Variants in SLC12A2 observed in about 807,000 individuals in gnomAD.
SLC12A2 encodes Na-K-2Cl cotransporter 1.
A neutral mutation model predicts 136.3 loss-of-function variants in SLC12A2; 67 were observed. The ratio of observed to expected loss-of-function variants is 0.49; its 90% CI spans 0.40 to 0.60. SLC12A2 has a LOEUF of 0.60. Ranked by LOEUF, SLC12A2 falls within the 20% of genes least tolerant of loss-of-function variation. The pLI is 0.00. For missense variants in SLC12A2, 1,322 were observed against 1,534.7 expected (o/e 0.86, Z 2.32); for synonymous variants, 619 against 562.9 (o/e 1.10, Z -1.41).
intron 1 of SLC12A2, chr5:128,109,959 C>G (rs961763982): frequency 1.9e-5 from 17 of 909,882 alleles, no homozygotes; most frequent in Non-Finnish European, 3.0e-5. Context: ...AACCATTGCT[C>G]AGATTCAGAG....
At chr5:128,165,609 C>A (rs1163096513) in intron 17 of SLC12A2, among the ~76,000 whole-genome samples, 1 of 152,076 alleles carries the variant, frequency 6.6e-6, no homozygotes, top group African/African-American at 2.4e-5. Flanking sequence ...GAAAACATAA[C>A]CTTTGACTGA....
At chr5:128,168,485 A>G (rs531940697) in intron 18 of SLC12A2, 7 of 152,206 alleles carry the variant, frequency 4.6e-5, no homozygotes, top group Admixed American at 2.6e-4. Context: ...ATGGAAGACA[A>G]TTTTTCCACA....
At chr5:128,175,980 G>T (rs1763529573) in intron 20 of SLC12A2, among the ~76,000 whole-genome samples, 1 of 151,422 alleles carries the variant, frequency 6.6e-6, no homozygotes, top group South Asian at 2.1e-4. Flanking sequence ...GCTTTATTTT[G>T]TGTTTATTTT....
In SLC12A2 at chr5:128,186,799, G is replaced by C; in HGVS notation, c.*168G>C. ...AGTTGCTCCATTGATAACGTGTATG[G>C]AGACTTCGGTTTTAGTCAATTCCAT... On this transcript the variant is annotated 3_prime_UTR_variant, in exon 27 of 27. Coordinates refer to ENST00000262461, the MANE Select transcript of SLC12A2 (RefSeq NM_001046.3). The C allele has an allele frequency of 1.7e-6, 1 of 594,754 alleles. No homozygotes were observed. The highest frequency in any genetic ancestry group is 3.2e-5 in the Admixed American group (1 of 31,452). The allele number at this position is 594,754 out of a possible 1,614,324, so 36.8% of individuals were successfully genotyped here. A position where few individuals can be genotyped will look rare whatever the true frequency, so the allele number is the denominator to read the frequency against.
At chr5:128,135,650 G>A in intron 6 of SLC12A2, 50 bp from the exon 7 acceptor site, 2 of 1,174,366 alleles carry the variant, frequency 1.7e-6, no homozygotes, top group African/African-American at 3.0e-5. Context: ...ATTGAATCAA[G>A]ATATAGAAAC....
intron 18 of SLC12A2, chr5:128,168,208 G>A (rs912884427): frequency 6.1e-6 from 1 of 164,816 alleles, no homozygotes; most frequent in African/African-American, 2.4e-5. Context: ...CCAAATGTCA[G>A]ACCCATCACC....
intron 9 of SLC12A2, among the ~76,000 whole-genome samples, chr5:128,141,033 C>G (rs772768922): frequency 6.6e-6 from 1 of 152,076 alleles, no homozygotes; most frequent in African/African-American, 2.4e-5. Flanking sequence ...AAGTAAAAAT[C>G]TTTAAAGTAT....
intron 3 of SLC12A2, 24 bp downstream of exon 3, chr5:128,114,311 G>C (rs1265959262): frequency 6.4e-7 from 1 of 1,563,744 alleles, no homozygotes; most frequent in Admixed American, 1.7e-5. Flanking sequence ...TATCCTGCTT[G>C]ATTTGAGAAT....
Position 128,167,842 on chromosome 5 carries a change from G to A in SLC12A2, c.2698G>A (p.Val900Met). Reference sequence around the variant, plus strand: ...TTGGTTGCAAGCAGATATGAGGGATGTGGATATGTATATAAACTTATTTCA... The same window carrying A: ...TTGGTTGCAAGCAGATATGAGGGATATGGATATGTATATAAACTTATTTCA... ...KDWLQADMRD[V>M]DMYINLFHDA... Residue 900 changes from valine to methionine, a missense_variant, in exon 18 of 27, where the codon GTG (valine) becomes ATG (methionine). Physicochemically the swap from Val to Met is conservative, Grantham distance 21. Around this residue, in one of 8 missense-constraint regions of SLC12A2, gnomAD observed 226 missense variants for 210.4 expected, o/e 1.07. Transcript: ENST00000262461. The A allele has an allele frequency of 6.3e-7, 1 of 1,595,622 alleles. No individual in the cohort carries two copies. The highest frequency in any genetic ancestry group is 8.6e-7 in the Non-Finnish European group (1 of 1,166,846).
chr5:128,116,719 G>C (rs1339397482), intron 4 of SLC12A2, among the ~76,000 whole-genome samples: 1 of 152,094 alleles, frequency 6.6e-6, no homozygotes, highest in African/African-American at 2.4e-5. Flanking sequence ...CAGATACTAC[G>C]AAGCTTTCTT....
chr5:128,154,429 G>C (rs1762810380), intron 15 of SLC12A2, among the ~76,000 whole-genome samples: 1 of 151,272 alleles, frequency 6.6e-6, no homozygotes. Context: ...AAAAAAAAAA[G>C]TTATCCCAGT....
In SLC12A2 at chr5:128,174,630, T is replaced by A. The variant is rs779232729; in HGVS notation, c.2893T>A (p.Ser965Thr). 1 of 1,606,098 alleles carries A rather than the reference T, an allele frequency of 6.2e-7. No individual in the cohort carries two copies. The highest frequency in any genetic ancestry group is 1.1e-5 in the South Asian group (1 of 89,182). Residue 965 changes from serine (S) to threonine (T), a missense_variant, in exon 20 of 27, where the codon TCC (serine) becomes ACC (threonine). Physicochemically the swap from Ser to Thr is moderately conservative, Grantham distance 58 (BLOSUM62 1). Transcript: ENST00000262461. ...TAGTAAAAAGTCCGATTTAGATACTTCCAAACCACTCAGTGAAAAACCAAT... is the reference window on the plus strand; with the variant it reads ...TAGTAAAAAGTCCGATTTAGATACTACCAAACCACTCAGTGAAAAACCAAT... ...EYSKKSDLDT[S>T]KPLSEKPITH...
At chr5:128,167,349 T>A (rs1344858721) in intron 17 of SLC12A2, among the ~76,000 whole-genome samples, 1 of 152,132 alleles carries the variant, frequency 6.6e-6, no homozygotes, top group African/African-American at 2.4e-5. Context: ...GATTTTAGTA[T>A]TGATGTGATT....
intron 4 of SLC12A2, among the ~76,000 whole-genome samples, chr5:128,116,640 G>A (rs1472472227): frequency 6.6e-6 from 1 of 151,854 alleles, no homozygotes. Context: ...GATCAAGAAG[G>A]TGATACATTT....
chr5:128,150,109 ATTT>A lies in SLC12A2; in HGVS notation c.2107+14_2107+16del, dbSNP rs1762651626. Reference sequence around the variant, plus strand: ...TTGCAAAATCTCCAGGTAATTTTACATTTTTAAAAAAGTTTGTAAATATCATTT... The same window carrying A: ...TTGCAAAATCTCCAGGTAATTTTACATTAAAAAAGTTTGTAAATATCATTT... On this transcript the variant is annotated intron_variant, in intron 13 of 26. Transcript: ENST00000262461. The A allele has an allele frequency of 6.6e-7, 1 of 1,518,070 alleles. No individual in the cohort carries two copies. Among genetic ancestry groups the A allele is most frequent in the Non-Finnish European group, 9.1e-7 (1 of 1,103,068 alleles). 94.0% of individuals were successfully genotyped at this position (1,518,070 alleles called of 1,614,324 possible).
chr5:128,105,296 A>G (rs1760890731), intron 1 of SLC12A2, among the ~76,000 whole-genome samples: 2 of 152,200 alleles, frequency 1.3e-5, no homozygotes, highest in South Asian at 2.1e-4. Context: ...GTTTAGAGCT[A>G]TGAGTCTGGT....
intron 1 of SLC12A2, among the ~76,000 whole-genome samples, chr5:128,086,446 G>A (rs1760102408): frequency 6.6e-6 from 1 of 152,042 alleles, no homozygotes; most frequent in Non-Finnish European, 1.5e-5. Flanking sequence ...GAAAAAAAGC[G>A]CAATAAAAAT....
intron 1 of SLC12A2, among the ~76,000 whole-genome samples, chr5:128,095,286 A>G (rs765369307): frequency 2.0e-5 from 3 of 151,376 alleles, no homozygotes; most frequent in Non-Finnish European, 4.4e-5. Flanking sequence ...TAAGTTACAT[A>G]TCTGCATTTG....
chr5:128,129,158 A>C (rs1006622970), intron 4 of SLC12A2, among the ~76,000 whole-genome samples: 1 of 152,068 alleles, frequency 6.6e-6, no homozygotes, highest in African/African-American at 2.4e-5. Flanking sequence ...GACTAATTTC[A>C]ATAACTTTTC....
Sources: gnomAD v4.1 joint callset for allele counts (sites outside exome capture counted in the v4.1 genomes callset) on GRCh38, gnomAD v4.1.1 for gene constraint, gnomAD v4.1.1 regional missense constraint, MANE v1.5 for transcripts, NCBI Gene and HGNC (gene_info 2026-07-23, HGNC 2026-07-21) for gene names.